SORD: variants seen among roughly 807,000 people sequenced by gnomAD.
SORD encodes (R,R)-butanediol dehydrogenase.
A neutral mutation model predicts 35.6 loss-of-function variants in SORD; 18 were observed. The observed-to-expected ratio is 0.51, with a 90% confidence interval of 0.35 to 0.75. The LOEUF (loss-of-function observed/expected upper bound fraction) is 0.75, where lower values mean the gene tolerates loss of function less well. Ranked by LOEUF, SORD falls within the 30% of genes least tolerant of loss-of-function variation. The probability of loss-of-function intolerance (pLI) is 0.01; values close to 1 mark genes in which losing one functional copy is unlikely to be tolerated. For synonymous variants in SORD, 106 were observed against 152.9 expected (o/e 0.69, Z 2.26); for missense variants, 250 against 390.2 (o/e 0.64, Z 3.03).
Position 45,023,229 on chromosome 15 carries a change from G to T in SORD, c.-55G>T. On this transcript the variant is annotated 5_prime_UTR_variant, in exon 1 of 9. Transcript: ENST00000267814. ...GACCCTCGGCTGGGTAGCGCCACCA[G>T]AGCGACCAAACGTCCCGCGCCTTCC... is the stretch of plus-strand genomic sequence containing the variant. 1 of 1,459,930 alleles carries T rather than the reference G, an allele frequency of 6.8e-7. No individual in the cohort carries two copies. The allele number at this position is 1,459,930 out of a possible 1,614,324, so 90.4% of individuals were successfully genotyped here. A position where few individuals can be genotyped will look rare whatever the true frequency, so the allele number is the denominator to read the frequency against.
At chr15:45,057,602 G>C (rs1893237973) in intron 3 of SORD, among the ~76,000 whole-genome samples, 1 of 152,142 alleles carries the variant, frequency 6.6e-6, no homozygotes, top group South Asian at 2.1e-4. Context: ...GGCTAACATG[G>C]TGAAACCCCG....
chr15:45,047,402 G>A (rs957470086), intron 3 of SORD, among the ~76,000 whole-genome samples: 5 of 152,130 alleles, frequency 3.3e-5, no homozygotes, highest in South Asian at 2.1e-4. Flanking sequence ...CAGAGGGCCC[G>A]AACACTAGTA....
intron 3 of SORD, among the ~76,000 whole-genome samples, chr15:45,047,828 G>A (rs1893068521): frequency 6.6e-6 from 1 of 152,208 alleles, no homozygotes; most frequent in South Asian, 2.1e-4. Context: ...GTTCTCTGTG[G>A]AGTTAGTGTC....
At chr15:45,036,759 T>G (rs1341772481) in intron 1 of SORD, among the ~76,000 whole-genome samples, 4 of 152,056 alleles carry the variant, frequency 2.6e-5, no homozygotes, top group Admixed American at 6.6e-5. Context: ...AGGAAACCTT[T>G]AATATGATTG....
At chr15:45,039,081 C>G (rs1343217523) in intron 1 of SORD, among the ~76,000 whole-genome samples, 4 of 152,158 alleles carry the variant, frequency 2.6e-5, no homozygotes, top group African/African-American at 7.2e-5. Context: ...ATAGAGTCCA[C>G]CCCACTGTCT....
Position 45,061,086 on chromosome 15 carries a change from G to T in SORD, c.285G>T (p.Glu95Asp). 1.3e-6 allele frequency: 2 copies of T among 1,592,098 alleles called. No homozygotes were observed. Among genetic ancestry groups the T allele is most frequent in the Non-Finnish European group, 8.6e-7 (1 of 1,166,422 alleles). ...HLKPGDRVAI[E>D]PGAPRENDEF... ...CTCCAGGTGATCGTGTTGCCATCGA[G>T]CCTGGTGCTCCCCGAGAAAATGATG... The change falls in exon 4 of 9, where the codon GAG (glutamate) becomes GAT (aspartate). Residue 95 changes from glutamate (E) to aspartate (D), a missense_variant. This residue lies in a region of SORD where 126 missense variants were observed against 148.7 expected (regional missense o/e 0.85). Transcript: ENST00000267814.
chr15:45,030,561 G>C (rs270819), intron 1 of SORD, among the ~76,000 whole-genome samples: 1 of 152,146 alleles, frequency 6.6e-6, no homozygotes, highest in Non-Finnish European at 1.5e-5. Context: ...ACATAGACCC[G>C]AACACAGTGA....
At chr15:45,066,143 G>A (rs1415821665) in intron 5 of SORD, among the ~76,000 whole-genome samples, 2 of 150,966 alleles carry the variant, frequency 1.3e-5, no homozygotes, top group African/African-American at 2.4e-5. Flanking sequence ...TACTTGGAAG[G>A]CTGAGACAGG....
At chr15:45,044,760 G>A (rs1009515385) in intron 3 of SORD, among the ~76,000 whole-genome samples, 5 of 148,796 alleles carry the variant, frequency 3.4e-5, no homozygotes, top group Non-Finnish European at 7.4e-5. Context: ...GTGCAGTGGT[G>A]CAATCTCGCC....
At chr15:45,046,523 G>A (rs373496996) in intron 3 of SORD, among the ~76,000 whole-genome samples, 12 of 152,278 alleles carry the variant, frequency 7.9e-5, no homozygotes, top group African/African-American at 2.9e-4. Flanking sequence ...GTTTACATAG[G>A]CATAAACCAC....
intron 1 of SORD, among the ~76,000 whole-genome samples, chr15:45,036,785 T>A (rs1326459480): frequency 1.3e-5 from 2 of 151,938 alleles, no homozygotes; most frequent in African/African-American, 4.8e-5. Context: ...ACAAAACCTT[T>A]GGGAATGAGA....
chr15:45,058,425 C>T (rs2141278648), intron 3 of SORD: 1 of 152,082 alleles, frequency 6.6e-6, no homozygotes, highest in Middle Eastern at 3.4e-3. Context: ...CTGGTGGCTG[C>T]ACTAACCACT....
rs542585093 is a variant in SORD at position 45,062,504 on chromosome 15, C to T, written c.425+1278C>T. Among the ~76,000 whole-genome samples, 236 of 151,876 alleles carry T rather than the reference C, an allele frequency of 1.6e-3. 1 individual carries two copies. Among genetic ancestry groups the T allele is most frequent in the African/African-American group, 5.3e-3 (219 of 41,492 alleles). On this transcript the variant is annotated intron_variant, in intron 4 of 8. Coordinates refer to ENST00000267814, the MANE Select transcript of SORD (RefSeq NM_003104.6). ...GTTTTCAGCCAGGATGGGGCTTGTC[C>T]GGTGGAGGCCAGGTGCCAGTCACAG... is the stretch of plus-strand genomic sequence containing the variant.
chr15:45,023,963 C>A (rs1345241620), intron 1 of SORD, among the ~76,000 whole-genome samples: 5 of 152,168 alleles, frequency 3.3e-5, no homozygotes, highest in African/African-American at 1.2e-4. Flanking sequence ...TTGATAGCTC[C>A]CTTGTCTGTA....
chr15:45,046,928 G>A (rs771575266), intron 3 of SORD, among the ~76,000 whole-genome samples: 29 of 151,742 alleles, frequency 1.9e-4, no homozygotes, highest in Non-Finnish European at 2.9e-4. Context: ...TGAGGCAGGA[G>A]AATTTCTTGA....
chr15:45,061,559 C>G (rs1383716689), intron 4 of SORD, among the ~76,000 whole-genome samples: 1 of 152,020 alleles, frequency 6.6e-6, no homozygotes, highest in Admixed American at 6.6e-5. Flanking sequence ...CTGCAACCAC[C>G]AGAAACGTCA....
At chr15:45,054,714 C>G (rs1206322384) in intron 3 of SORD, among the ~76,000 whole-genome samples, 1 of 152,206 alleles carries the variant, frequency 6.6e-6, no homozygotes, top group Non-Finnish European at 1.5e-5. Context: ...ACATGAAGTC[C>G]TTGCCTATGC....
At chr15:45,047,973 C>A (rs1199823645) in intron 3 of SORD, among the ~76,000 whole-genome samples, 2 of 152,184 alleles carry the variant, frequency 1.3e-5, no homozygotes, top group Non-Finnish European at 2.9e-5. Context: ...ATATTAAAAT[C>A]CCCTGTAAAT....
At chr15:45,032,183 A>G (rs1013292984) in intron 1 of SORD, among the ~76,000 whole-genome samples, 3 of 143,282 alleles carry the variant, frequency 2.1e-5, no homozygotes, top group Non-Finnish European at 4.6e-5. Flanking sequence ...CTTAACAGGT[A>G]TTCAGTTTCA....
Sources: gnomAD v4.1 joint callset for allele counts (sites outside exome capture counted in the v4.1 genomes callset) on GRCh38, gnomAD v4.1.1 for gene constraint, gnomAD v4.1.1 regional missense constraint, MANE v1.5 for transcripts, NCBI Gene and HGNC (gene_info 2026-07-23, HGNC 2026-07-21) for gene names.